SLC66A2: variants seen among roughly 807,000 people sequenced by gnomAD.
SLC66A2 encodes solute carrier family 66 member 2.
In SLC66A2, 23 loss-of-function variants were observed where a neutral mutation model predicts 25.5. That is an observed-to-expected ratio of 0.90 (90% CI 0.65 to 1.28). The LOEUF (loss-of-function observed/expected upper bound fraction) is 1.28, where lower values mean the gene tolerates loss of function less well. SLC66A2 is among the 50% of genes most tolerant of loss of function. The probability of loss-of-function intolerance (pLI) is 0.00; values close to 1 mark genes in which losing one functional copy is unlikely to be tolerated. For synonymous variants in SLC66A2, 193 were observed against 166.5 expected (o/e 1.16, Z -1.23); for missense variants, 396 against 373.1 (o/e 1.06, Z -0.51).
intron 5 of SLC66A2, among the ~76,000 whole-genome samples, chr18:79,911,809 CAGGG>C (rs1440004353): frequency 7.9e-6 from 1 of 126,852 alleles, no homozygotes; most frequent in Non-Finnish European, 1.6e-5. Context: ...GGGGAGGCAG[CAGGG>C]AGGGGATGGA....
chr18:79,912,766 A>T (rs1414055530), intron 5 of SLC66A2, among the ~76,000 whole-genome samples: 1 of 152,110 alleles, frequency 6.6e-6, no homozygotes, highest in Non-Finnish European at 1.5e-5. Flanking sequence ...GGCGGGTCAC[A>T]CTTTGTAATG....
In SLC66A2 at chr18:79,941,702, C is replaced by G. The variant is rs1987685036; in HGVS notation, c.337+1627G>C. The G allele has an allele frequency of 6.6e-6, 1 of 152,266 alleles. No homozygotes were observed. 9.4% of individuals were successfully genotyped at this position (152,266 alleles called of 1,614,324 possible). ...TTCTAGGGGTATCCCAGTGTTCCAA[C>G]ACACACTCACATTAAACCCCACGCT... is the stretch of plus-strand genomic sequence containing the variant. On this transcript the variant is annotated intron_variant, in intron 3 of 5. Coordinates refer to ENST00000397778, the MANE Select transcript of SLC66A2 (RefSeq NM_025078.5). This position sits in a 1 kb window ranked among gnomAD's most constrained non-coding sequence, Gnocchi z 4.1.
Position 79,950,918 on chromosome 18 carries a change from G to A in SLC66A2, c.9C>T (p.Ala3=), listed in dbSNP as rs766217119. ME[A]EGLDWLLVPL... is the part of the protein sequence containing the mutation. ...GCACCAGGAGCCAGTCCAGGCCCTCGGCCTCCATCGCAGCGCCCGCCTGGC... is the reference window on the plus strand; with the variant it reads ...GCACCAGGAGCCAGTCCAGGCCCTCAGCCTCCATCGCAGCGCCCGCCTGGC... The change falls in exon 2 of 6, where the codon GCC becomes GCT. Residue 3 remains alanine, a synonymous_variant. Coordinates refer to ENST00000397778, the MANE Select transcript of SLC66A2 (RefSeq NM_025078.5). The A allele has an allele frequency of 3.2e-6, 5 of 1,563,538 alleles. No homozygotes were observed. The highest frequency in any genetic ancestry group is 4.3e-6 in the Non-Finnish European group (5 of 1,154,320).
At chr18:79,951,083 G>C (rs1443550248) in intron 1 of SLC66A2, 58 bp from the exon 2 acceptor site, 5 of 437,520 alleles carry the variant, frequency 1.1e-5, no homozygotes, top group South Asian at 1.1e-4. Context: ...CGGCGCGCAC[G>C]GACCCGACCC....
intron 2 of SLC66A2, chr18:79,943,963 G>A (rs372878165): frequency 4.7e-5 from 8 of 171,452 alleles, no homozygotes; most frequent in Non-Finnish European, 6.3e-5. Context: ...GCGGCATCCC[G>A]GGGAAGGAGC....
chr18:79,930,909 A>C (rs1418751795), intron 4 of SLC66A2, among the ~76,000 whole-genome samples: 1 of 152,228 alleles, frequency 6.6e-6, no homozygotes, highest in African/African-American at 2.4e-5. Flanking sequence ...TATGTAGACA[A>C]AATATGTATA....
At chr18:79,928,144 G>A (rs930043312) in intron 4 of SLC66A2, among the ~76,000 whole-genome samples, 3 of 152,246 alleles carry the variant, frequency 2.0e-5, no homozygotes, top group African/African-American at 4.8e-5. Context: ...CCGAAATCAG[G>A]ACACAAACAC....
At chr18:79,919,097 A>G in intron 5 of SLC66A2, 87 bp downstream of exon 5, 1 of 1,199,124 alleles carries the variant, frequency 8.3e-7, no homozygotes, top group Non-Finnish European at 1.2e-6. Flanking sequence ...ACACAGCCAG[A>G]CACACAGGCG....
intron 4 of SLC66A2, among the ~76,000 whole-genome samples, chr18:79,924,365 A>G (rs1599578432): frequency 1.3e-5 from 2 of 152,220 alleles, no homozygotes; most frequent in African/African-American, 4.8e-5. Context: ...GTTCCCATGA[A>G]GTGTCCAGCA....
chr18:79,913,499 C>A (rs982270634), intron 5 of SLC66A2, among the ~76,000 whole-genome samples: 1 of 152,250 alleles, frequency 6.6e-6, no homozygotes, highest in African/African-American at 2.4e-5. Context: ...GGTTCAGAAA[C>A]TACAACCACG....
At chr18:79,906,835 G>A (rs76739860) in intron 5 of SLC66A2, among the ~76,000 whole-genome samples, 1,871 of 152,242 alleles carry the variant, frequency 0.012, 23 homozygotes, top group Admixed American at 0.022. Context: ...GGACTTCCAG[G>A]CTCTGGGGTT....
intron 3 of SLC66A2, among the ~76,000 whole-genome samples, chr18:79,938,008 G>A (rs1279472816): frequency 6.6e-6 from 1 of 152,102 alleles, no homozygotes; most frequent in African/African-American, 2.4e-5. Flanking sequence ...AGACACAGGG[G>A]CTCACACCTG....
At chr18:79,912,307 G>A (rs917286390) in intron 5 of SLC66A2, among the ~76,000 whole-genome samples, 1 of 152,186 alleles carries the variant, frequency 6.6e-6, no homozygotes, top group Non-Finnish European at 1.5e-5. Flanking sequence ...TCCATCACAT[G>A]TAACAGCATA....
chr18:79,911,028 C>A (rs1210310760), intron 5 of SLC66A2, among the ~76,000 whole-genome samples: 2 of 152,258 alleles, frequency 1.3e-5, no homozygotes, highest in African/African-American at 4.8e-5. Context: ...CACTGCAGCA[C>A]CCACACCACG....
At position 79,940,243 on chromosome 18, in the gene SLC66A2, A is replaced by G. The variant is rs1345474271; in HGVS notation, c.337+3086T>C. Among the ~76,000 whole-genome samples, 1 of 152,142 alleles carries G rather than the reference A, an allele frequency of 6.6e-6. No individual in the cohort carries two copies. Among genetic ancestry groups the G allele is most frequent in the Non-Finnish European group, 1.5e-5 (1 of 68,012 alleles). On this transcript the variant is annotated intron_variant, in intron 3 of 5. Transcript: ENST00000397778. The surrounding 1 kb of genome is among the most constrained non-coding windows in gnomAD (Gnocchi z 4.1). ...TAGAGCCTGTCGGGGGGTGGAGAGC[A>G]GGAGGAGGGAGAGGACCGGGAAAAA...
intron 2 of SLC66A2, chr18:79,943,687 A>G: frequency 2.0e-6 from 1 of 497,616 alleles, no homozygotes; most frequent in East Asian, 3.6e-5. Context: ...AGGCCCACCC[A>G]TGCCGCCTCT....
chr18:79,947,636 G>A (rs1234342234), intron 2 of SLC66A2, among the ~76,000 whole-genome samples: 3 of 756 alleles, frequency 4.0e-3, no homozygotes, highest in Admixed American at 0.029. Flanking sequence ...GCCTGCCCCC[G>A]CCCCACCTCT....
chr18:79,948,247 C>T (rs1353934258), intron 2 of SLC66A2, among the ~76,000 whole-genome samples: 6 of 152,244 alleles, frequency 3.9e-5, no homozygotes, highest in Non-Finnish European at 8.8e-5. Context: ...AGCTTCAAAC[C>T]TCTACGTCAG....
intron 5 of SLC66A2, among the ~76,000 whole-genome samples, chr18:79,906,682 C>A (rs949083722): frequency 6.6e-6 from 1 of 152,234 alleles, no homozygotes; most frequent in South Asian, 2.1e-4. Flanking sequence ...AGAATGCGCA[C>A]GTTCACTTGG....
Sources: gnomAD v4.1 joint callset for allele counts (sites outside exome capture counted in the v4.1 genomes callset) on GRCh38, gnomAD v4.1.1 for gene constraint, Gnocchi (gnomAD v3.1) non-coding constraint, MANE v1.5 for transcripts, NCBI Gene and HGNC (gene_info 2026-07-23, HGNC 2026-07-21) for gene names.